The following ULK4 variants were observed in gnomAD, a reference collection of about 807,000 sequenced individuals.
ULK4 encodes the protein inactive serine/threonine-protein kinase ULK4.
Under a neutral mutation model 160.6 loss-of-function variants are expected in ULK4, and 133 were observed. The observed-to-expected ratio is 0.83, with a 90% CI of 0.72 to 0.96. ULK4 has a LOEUF of 0.96. ULK4 is among the 40% of genes least tolerant of loss of function. ULK4 has a pLI of 0.00. For synonymous variants in ULK4, 534 were observed against 539.8 expected, an observed-to-expected ratio of 0.99 and a Z score of 0.15; for missense variants, 1,580 against 1,499.5, an observed-to-expected ratio of 1.05 and a Z score of -0.89.
chr3:41,873,045 C>T lies in ULK4; in HGVS notation c.1656+10829G>A, dbSNP rs150985129. ...GTAGACACCTGTAATCCCAGCTACTCGGGAGGCTGAGGTAGAGAATTGCTT... is the reference window on the plus strand; with the variant it reads ...GTAGACACCTGTAATCCCAGCTACTTGGGAGGCTGAGGTAGAGAATTGCTT... On this transcript the variant is annotated intron_variant, in intron 17 of 36. Transcript: ENST00000301831. Among the ~76,000 whole-genome samples the T allele has an allele frequency of 6.6e-3, 1,001 of 152,044 alleles. 9 individuals carry two copies. Among genetic ancestry groups the T allele is most frequent in the African/African-American group, 0.023 (965 of 41,458 alleles).
chr3:41,562,422 C>A (rs971708446), intron 32 of ULK4, among the ~76,000 whole-genome samples: 3 of 152,208 alleles, frequency 2.0e-5, no homozygotes, highest in African/African-American at 7.2e-5. Flanking sequence ...TCCTTGTTAA[C>A]CTTCTGCTTT....
intron 35 of ULK4, among the ~76,000 whole-genome samples, chr3:41,284,353 G>A (rs2079419632): frequency 6.6e-6 from 1 of 152,022 alleles, no homozygotes; most frequent in Non-Finnish European, 1.5e-5. Flanking sequence ...TTTCCTATAA[G>A]GCCATAGTCA....
intron 31 of ULK4, among the ~76,000 whole-genome samples, chr3:41,578,531 C>T (rs1448226031): frequency 6.6e-6 from 1 of 152,180 alleles, no homozygotes; most frequent in Admixed American, 6.5e-5. Flanking sequence ...AGGAATTTTT[C>T]ATCTCTCAGA....
chr3:41,626,349 T>C, intron 30 of ULK4, among the ~76,000 whole-genome samples: 1 of 152,330 alleles, frequency 6.6e-6, no homozygotes, highest in East Asian at 1.9e-4. Flanking sequence ...ATTTAAGTAC[T>C]ATTTAAATAA....
chr3:41,322,095 G>A (rs112853719), intron 35 of ULK4, among the ~76,000 whole-genome samples: 2,670 of 144,148 alleles, frequency 0.019, 546 homozygotes, highest in African/African-American at 0.068. Context: ...GCAGTGGCGC[G>A]ATCTCGGCTC....
intron 18 of ULK4, among the ~76,000 whole-genome samples, chr3:41,825,293 C>G: frequency 6.6e-6 from 1 of 152,304 alleles, no homozygotes; most frequent in Non-Finnish European, 1.5e-5. Flanking sequence ...TCACCAGCAA[C>G]GGAACAAAGC....
chr3:41,731,226 C>G (rs6599170), intron 22 of ULK4, among the ~76,000 whole-genome samples: 48,424 of 151,496 alleles, frequency 0.32, 11,422 homozygotes, highest in African/African-American at 0.67. Flanking sequence ...AAAAAAGGGA[C>G]TCCAATTGTT....
At chr3:41,447,227 T>C (rs62259335) in intron 34 of ULK4, among the ~76,000 whole-genome samples, 25,413 of 151,978 alleles carry the variant, frequency 0.17, 2,718 homozygotes, top group South Asian at 0.26. Flanking sequence ...CTCTCGCCTA[T>C]CGGTCTGTCC....
At chr3:41,458,188 A>T (rs2083598931) in intron 33 of ULK4, among the ~76,000 whole-genome samples, 1 of 152,154 alleles carries the variant, frequency 6.6e-6, no homozygotes, top group Admixed American at 6.5e-5. Flanking sequence ...ATGGATTTCA[A>T]AGAAGAACTT....
At chr3:41,642,639 G>A (rs947773773) in intron 30 of ULK4, among the ~76,000 whole-genome samples, 10 of 152,152 alleles carry the variant, frequency 6.6e-5, no homozygotes, top group Non-Finnish European at 8.8e-5. Context: ...GAACAGTGCC[G>A]CAATAAACAT....
chr3:41,688,608 A>C (rs1049973064), intron 27 of ULK4, among the ~76,000 whole-genome samples: 2 of 151,472 alleles, frequency 1.3e-5, no homozygotes, highest in East Asian at 3.9e-4. Flanking sequence ...TTAGAACAAA[A>C]CAAAACAAAA....
At chr3:41,405,032 T>C (rs1204334661) in intron 34 of ULK4, among the ~76,000 whole-genome samples, 1 of 152,244 alleles carries the variant, frequency 6.6e-6, no homozygotes, top group African/African-American at 2.4e-5. Context: ...TACCTGGGTA[T>C]ATTGCATGAC....
chr3:41,371,450 C>T (rs572054575), intron 35 of ULK4, among the ~76,000 whole-genome samples: 3 of 152,206 alleles, frequency 2.0e-5, no homozygotes, highest in Non-Finnish European at 4.4e-5. Flanking sequence ...GAGGAAGGAG[C>T]AGGCAGCAAT....
chr3:41,405,885 C>G (rs1006802462), intron 34 of ULK4, among the ~76,000 whole-genome samples: 10 of 151,826 alleles, frequency 6.6e-5, no homozygotes, highest in Non-Finnish European at 7.4e-5. Context: ...GGATATTAGA[C>G]CTTCATCAGA....
chr3:41,530,998 G>A (rs1176840124), intron 32 of ULK4, among the ~76,000 whole-genome samples: 5 of 151,420 alleles, frequency 3.3e-5, no homozygotes, highest in South Asian at 4.2e-4. Context: ...TCTTGACCTC[G>A]TGATCTGCCC....
intron 5 of ULK4, chr3:41,931,639 C>A: frequency 1.9e-6 from 1 of 535,894 alleles, no homozygotes. Context: ...GTTAAGGTTC[C>A]CCAGGCCTTA....
chr3:41,260,364 C>T (rs1369128185), intron 35 of ULK4, among the ~76,000 whole-genome samples: 2 of 152,206 alleles, frequency 1.3e-5, no homozygotes, highest in African/African-American at 2.4e-5. Flanking sequence ...CTTTCATATT[C>T]AGATTAAAGC....
intron 21 of ULK4, among the ~76,000 whole-genome samples, chr3:41,758,667 C>T (rs1447256871): frequency 6.6e-6 from 1 of 152,004 alleles, no homozygotes; most frequent in Non-Finnish European, 1.5e-5. Context: ...GGGTGGATCA[C>T]GAGGTCAGGA....
At chr3:41,934,455 T>C (rs888352405) in intron 4 of ULK4, among the ~76,000 whole-genome samples, 1 of 152,254 alleles carries the variant, frequency 6.6e-6, no homozygotes, top group African/African-American at 2.4e-5. Flanking sequence ...AGACCAGTAA[T>C]ATGTACAATT....
Sources: gnomAD v4.1 joint callset for allele counts (sites outside exome capture counted in the v4.1 genomes callset) on GRCh38, gnomAD v4.1.1 for gene constraint, MANE v1.5 for transcripts, NCBI Gene and HGNC (gene_info 2026-07-23, HGNC 2026-07-21) for gene names.